The following ZC3H7B variants were observed in gnomAD, a reference collection of about 807,000 sequenced individuals.
ZC3H7B encodes the protein zinc finger CCCH-type containing 7B.
A neutral mutation model predicts 116.0 loss-of-function variants in ZC3H7B; 35 were observed. That is an observed-to-expected ratio of 0.30 (90% CI 0.23 to 0.40). ZC3H7B has a LOEUF of 0.40. Ranked by LOEUF, ZC3H7B falls within the 10% of genes least tolerant of loss-of-function variation. The pLI, the probability that ZC3H7B is intolerant of heterozygous loss-of-function variation, is 1.00. For missense variants in ZC3H7B, 1,011 were observed against 1,321.5 expected (o/e 0.77, Z 3.64); for synonymous variants, 502 against 545.6 (o/e 0.92, Z 1.11).
chr22:41,341,073 C>T lies in ZC3H7B; in HGVS notation c.1139-15C>T. On this transcript the variant is annotated splice_polypyrimidine_tract_variant and intron_variant, in intron 10 of 22. Transcript: ENST00000352645. ...GAGCCAGAGCCACTGACCCCTGTGT[C>T]TTCTCCCTGCCCAGAGGAGACCAAC... 6.2e-7 allele frequency: 1 copy of T among 1,610,824 alleles called. No homozygotes were observed. Among genetic ancestry groups the T allele is most frequent in the Non-Finnish European group, 8.5e-7 (1 of 1,178,350 alleles).
intron 21 of ZC3H7B, 54 bp downstream of exon 21, chr22:41,356,530 C>T: frequency 6.2e-7 from 1 of 1,611,372 alleles, no homozygotes; most frequent in Non-Finnish European, 8.5e-7. Flanking sequence ...TGGTCTGAGC[C>T]TCACCTGGGA....
At chr22:41,306,705 A>G (rs776743646) in intron 1 of ZC3H7B, among the ~76,000 whole-genome samples, 4 of 152,118 alleles carry the variant, frequency 2.6e-5, no homozygotes, top group Non-Finnish European at 4.4e-5. Flanking sequence ...AGAGGGAGGC[A>G]CTGTAATTAT....
chr22:41,339,808 C>T lies in ZC3H7B; in HGVS notation c.817-8C>T. ...CCTCTGACCCCTCCCTCTGTCCCTG[C>T]CTCATAGTCTCTGGTCCAGGGTGGC... On this transcript the variant is annotated splice_polypyrimidine_tract_variant and splice_region_variant and intron_variant, in intron 9 of 22. Transcript: ENST00000352645. 6.3e-7 allele frequency: 1 copy of T among 1,583,478 alleles called. No individual in the cohort carries two copies. The highest frequency in any genetic ancestry group is 8.6e-7 in the Non-Finnish European group (1 of 1,161,458).
chr22:41,334,623 G>A (rs927647371), intron 7 of ZC3H7B: 1 of 152,354 alleles, frequency 6.6e-6, no homozygotes, highest in Non-Finnish European at 1.5e-5. Flanking sequence ...GCCCAACATG[G>A]TACAGCACAC....
At chr22:41,355,012 G>A (rs2036695978) in intron 17 of ZC3H7B, among the ~76,000 whole-genome samples, 1 of 152,238 alleles carries the variant, frequency 6.6e-6, no homozygotes, top group Admixed American at 6.5e-5. Context: ...GCAGTTTAGA[G>A]ACTGTGGGAG....
At position 41,331,855 on chromosome 22, in the gene ZC3H7B, C is replaced by CT. The variant is rs201735418; in HGVS notation, c.526-315dup. ...CCAGCCTAGGGGACAAAGTGAGACT[C>CT]TGTCTCAGAAAAAATTTAAAAATTA... On this transcript the variant is annotated intron_variant, in intron 6 of 22. Coordinates refer to ENST00000352645, the MANE Select transcript of ZC3H7B (RefSeq NM_017590.6). 1.0e-3 allele frequency among the ~76,000 whole-genome samples: 158 copies of CT among 152,212 alleles called. 4 individuals are homozygous for CT. The East Asian group carries it at 0.03, about 29-fold the overall frequency.
intron 10 of ZC3H7B, 145 bp from the exon 11 acceptor site, chr22:41,340,943 A>C: frequency 1.5e-6 from 1 of 683,218 alleles, no homozygotes; most frequent in Non-Finnish European, 2.4e-6. Flanking sequence ...AGAGGAGAGG[A>C]TAGAGTCAGG....
At chr22:41,326,122 G>A (rs1188601220) in intron 4 of ZC3H7B, among the ~76,000 whole-genome samples, 1 of 152,186 alleles carries the variant, frequency 6.6e-6, no homozygotes, top group Non-Finnish European at 1.5e-5. Context: ...AAGTACGGAT[G>A]CATAATAAAA....
At position 41,327,878 on chromosome 22, in the gene ZC3H7B, C is replaced by A. The variant is rs1005398034; in HGVS notation, c.444+514C>A. On this transcript the variant is annotated intron_variant, in intron 5 of 22. Coordinates refer to ENST00000352645, the MANE Select transcript of ZC3H7B (RefSeq NM_017590.6). This position sits in a 1 kb window ranked among gnomAD's most constrained non-coding sequence, Gnocchi z 4.5. ...GTGGCTCATGCCTGTAATCCCAGCA[C>A]TGTGGGAGGCCAAGGCGGGAGGATC... is the stretch of plus-strand genomic sequence containing the variant. Among the ~76,000 whole-genome samples, 4 of 152,242 alleles carry A rather than the reference C, an allele frequency of 2.6e-5. No individual in the cohort carries two copies. Among genetic ancestry groups the A allele is most frequent in the African/African-American group, 9.6e-5 (4 of 41,472 alleles).
intron 14 of ZC3H7B, among the ~76,000 whole-genome samples, chr22:41,347,090 C>T (rs1380251403): frequency 6.6e-6 from 1 of 152,138 alleles, no homozygotes; most frequent in Non-Finnish European, 1.5e-5. Context: ...GCCACACAGA[C>T]AGTGCCGTGC....
At chr22:41,312,536 G>T (rs2036131863) in intron 1 of ZC3H7B, among the ~76,000 whole-genome samples, 1 of 151,826 alleles carries the variant, frequency 6.6e-6, no homozygotes, top group African/African-American at 2.4e-5. Context: ...GCTGAAGTGA[G>T]CCACGATGGT....
At chr22:41,330,995 G>A (rs1364804672) in intron 6 of ZC3H7B, among the ~76,000 whole-genome samples, 4 of 142,698 alleles carry the variant, frequency 2.8e-5, no homozygotes, top group Admixed American at 7.1e-5. Flanking sequence ...CGGCCTCTCC[G>A]AGTAGCTGGG....
In ZC3H7B at chr22:41,349,404, C is replaced by A; in HGVS notation, c.1948+103C>A. ...CTGACTGGGGTGACAGGCCAGGGCC[C>A]CATGGTCGCTGGAGGGGGCTTCGGG... On this transcript the variant is annotated intron_variant, in intron 16 of 22. Transcript: ENST00000352645. The surrounding 1 kb of genome is among the most constrained non-coding windows in gnomAD (Gnocchi z 4.9). The A allele has an allele frequency of 6.8e-7, 1 of 1,480,022 alleles. No individual in the cohort carries two copies. The highest frequency in any genetic ancestry group is 9.1e-7 in the Non-Finnish European group (1 of 1,097,104). The allele number at this position is 1,480,022 out of a possible 1,614,324, so 91.7% of individuals were successfully genotyped here.
At chr22:41,332,367 G>A in intron 7 of ZC3H7B, 140 bp downstream of exon 7, 1 of 1,020,180 alleles carries the variant, frequency 9.8e-7, no homozygotes, top group South Asian at 1.4e-5. Context: ...TGTCCACGGG[G>A]GCAGGATGTG....
In ZC3H7B at chr22:41,347,046, G is replaced by A. The variant is rs117321721; in HGVS notation, c.1665+838G>A. Among the ~76,000 whole-genome samples the A allele has an allele frequency of 8.2e-4, 124 of 151,968 alleles. 12 individuals carry two copies. In the East Asian group the frequency reaches 0.024, roughly 30 times the overall value. ...GATATCCCCATTTTACAGATGTTGA[G>A]GCTGAGATTCAGGGTAGCGAGGAAC... On this transcript the variant is annotated intron_variant, in intron 14 of 22. Coordinates refer to ENST00000352645, the MANE Select transcript of ZC3H7B (RefSeq NM_017590.6).
chr22:41,327,460 G>A lies in ZC3H7B; in HGVS notation c.444+96G>A. On this transcript the variant is annotated intron_variant, in intron 5 of 22. Transcript: ENST00000352645. The surrounding 1 kb of genome is among the most constrained non-coding windows in gnomAD (Gnocchi z 4.5). ...GGGCCCAGCCACCACATCCTTCTGT[G>A]TCTCACTTCCTCCCCTGTGACATGG... The A allele has an allele frequency of 6.7e-7, 1 of 1,491,922 alleles. No individual in the cohort carries two copies. The highest frequency in any genetic ancestry group is 2.3e-5 in the East Asian group (1 of 43,748). The allele number at this position is 1,491,922 out of a possible 1,614,324, so 92.4% of individuals were successfully genotyped here.
chr22:41,340,275 T>G (rs1413805414), intron 10 of ZC3H7B, 138 bp downstream of exon 10: 1 of 951,756 alleles, frequency 1.1e-6, no homozygotes, highest in African/African-American at 1.7e-5. Context: ...GCCATGTCTG[T>G]GTGTTGCCGT....
At chr22:41,314,440 A>C (rs1387371747) in intron 1 of ZC3H7B, among the ~76,000 whole-genome samples, 2 of 151,566 alleles carry the variant, frequency 1.3e-5, no homozygotes, top group Non-Finnish European at 1.5e-5. Flanking sequence ...TACAGGTGTG[A>C]GCCACTGCGC....
Position 41,339,926 on chromosome 22 carries a change from C to T in ZC3H7B, c.927C>T (p.Ser309=), listed in dbSNP as rs2036497415. 4.3e-6 allele frequency: 7 copies of T among 1,613,492 alleles called. No individual in the cohort carries two copies. Among genetic ancestry groups the T allele is most frequent in the Non-Finnish European group, 5.1e-6 (6 of 1,180,004 alleles). ...TGCTACCACCTGTGGTGGGTGGCTC[C>T]ATCCCTGTCTCCAGCCCACTGCCCC... is the stretch of plus-strand genomic sequence containing the variant. ...TPLLPPVVGG[S]IPVSSPLPPA... is the part of the protein sequence containing the mutation. The change falls in exon 10 of 23, where the codon TCC becomes TCT. Residue 309 remains serine, a synonymous_variant. Coordinates refer to ENST00000352645, the MANE Select transcript of ZC3H7B (RefSeq NM_017590.6).
Sources: gnomAD v4.1 joint callset for allele counts (sites outside exome capture counted in the v4.1 genomes callset) on GRCh38, gnomAD v4.1.1 for gene constraint, Gnocchi (gnomAD v3.1) non-coding constraint, MANE v1.5 for transcripts, NCBI Gene and HGNC (gene_info 2026-07-23, HGNC 2026-07-21) for gene names.